ALOXE3: variants seen among roughly 807,000 people sequenced by gnomAD.
ALOXE3 encodes the protein arachidonate epidermal lipoxygenase 3.
Under a neutral mutation model 87.5 loss-of-function variants are expected in ALOXE3, and 78 were observed. The ratio of observed to expected loss-of-function variants is 0.89; its 90% CI spans 0.74 to 1.08. The LOEUF is 1.08. Ranked by LOEUF, ALOXE3 falls within the 50% of genes least tolerant of loss-of-function variation. The pLI is 0.00. For missense variants in ALOXE3, 946 were observed against 912.4 expected, an observed-to-expected ratio of 1.04 and a Z score of -0.47; for synonymous variants, 363 against 370.8, an observed-to-expected ratio of 0.98 and a Z score of 0.24.
chr17:8,098,096 G>A (rs761169310), intron 15 of ALOXE3, among the ~76,000 whole-genome samples: 2 of 151,992 alleles, frequency 1.3e-5, no homozygotes, highest in Non-Finnish European at 2.9e-5. Flanking sequence ...TTGCATTGGC[G>A]AAGCCCTCCA....
chr17:8,118,032 G>T lies in ALOXE3; in HGVS notation c.-42C>A. 1 of 1,601,246 alleles carries T rather than the reference G, an allele frequency of 6.2e-7. No homozygotes were observed. The highest frequency in any genetic ancestry group is 8.5e-7 in the Non-Finnish European group (1 of 1,176,238). On this transcript the variant is annotated 5_prime_UTR_variant, in exon 2 of 16. It adds an upstream start codon to the 5' untranslated region. Coordinates refer to ENST00000448843, the MANE Select transcript of ALOXE3 (RefSeq NM_021628.3). ...GGATGCCCCGGCAACGCTGGCCGCA[G>T]CAGCAGCCGGCCTGGAGGAGAAGAG... is the stretch of plus-strand genomic sequence containing the variant.
Position 8,115,699 on chromosome 17 carries a change from T to C in ALOXE3, c.353-11A>G. On this transcript the variant is annotated splice_polypyrimidine_tract_variant and intron_variant, in intron 3 of 15. Transcript: ENST00000448843. ...GACAAATAGTTCTTGCTGTGGGGAATGAAAATTACTCTTGGTATAAGTCTC... is the reference window on the plus strand; with the variant it reads ...GACAAATAGTTCTTGCTGTGGGGAACGAAAATTACTCTTGGTATAAGTCTC... The C allele has an allele frequency of 6.2e-7, 1 of 1,607,838 alleles. No individual in the cohort carries two copies. Among genetic ancestry groups the C allele is most frequent in the Non-Finnish European group, 8.5e-7 (1 of 1,174,208 alleles).
At chr17:8,096,882 C>T in intron 15 of ALOXE3, 76 bp from the exon 16 acceptor site, 1 of 1,532,654 alleles carries the variant, frequency 6.5e-7, no homozygotes, top group East Asian at 2.3e-5. Context: ...CATGTAACAG[C>T]AAATCCAGTC....
intron 15 of ALOXE3, among the ~76,000 whole-genome samples, chr17:8,099,284 A>G (rs1014468694): frequency 1.3e-5 from 2 of 152,226 alleles, no homozygotes; most frequent in Non-Finnish European, 2.9e-5. Context: ...AATAAGGCTT[A>G]GAGAGGCCAT....
chr17:8,114,976 G>C lies in ALOXE3; in HGVS notation c.516C>G (p.Ala172=), dbSNP rs1980456581. ...CTACACAAGTTGTCGTCTTTGTCAA[G>C]GCAAATTTCTTGTCTGACTCCATCT... ...FQEMESDKKF[A]LTKTTTCVDQ... The change falls in exon 5 of 16, where the codon GCC becomes GCG. Residue 172 remains alanine (A), a synonymous_variant. Transcript: ENST00000448843. 6.2e-7 allele frequency: 1 copy of C among 1,614,118 alleles called. No homozygotes were observed. The highest frequency in any genetic ancestry group is 8.5e-7 in the Non-Finnish European group (1 of 1,180,028).
chr17:8,103,645 G>T, intron 14 of ALOXE3, 152 bp from the exon 15 acceptor site: 1 of 900,752 alleles, frequency 1.1e-6, no homozygotes, highest in Non-Finnish European at 1.8e-6. Flanking sequence ...GAAATGAGGG[G>T]ATCATGGAAA....
At chr17:8,105,671 G>A (rs1979246998) in intron 13 of ALOXE3, among the ~76,000 whole-genome samples, 1 of 152,166 alleles carries the variant, frequency 6.6e-6, no homozygotes. Flanking sequence ...GGGAGGCAGA[G>A]GTGGGAGGAT....
intron 7 of ALOXE3, 111 bp from the exon 8 acceptor site, chr17:8,111,642 A>G (rs1980100692): frequency 6.4e-6 from 7 of 1,089,940 alleles, no homozygotes; most frequent in East Asian, 4.8e-5. Context: ...CAAAAACTCT[A>G]TGAGGTAGGA....
In ALOXE3 at chr17:8,114,565, A is replaced by T; in HGVS notation, c.599T>A (p.Ile200Asn). ...GGGCTCCATGTACATCAGGGATGGG[A>T]TGTCAATTTTCATGGGGAAGCCGGG... ...YLPGFPMKID[I>N]PSLMYMEPNV... Residue 200 changes from isoleucine to asparagine, a missense_variant, in exon 6 of 16, where the codon ATC becomes AAC. By Grantham distance (149) the Ile-to-Asn change is moderately radical (BLOSUM62 -3). Transcript: ENST00000448843. 6.2e-7 allele frequency: 1 copy of T among 1,613,838 alleles called. No individual in the cohort carries two copies. The highest frequency in any genetic ancestry group is 2.2e-5 in the East Asian group (1 of 44,870).
In ALOXE3 at chr17:8,105,858, T is replaced by C. The variant is rs573987827; in HGVS notation, c.1685-1643A>G. Among the ~76,000 whole-genome samples the C allele has an allele frequency of 6.0e-5, 8 of 134,086 alleles. 1 individual carries two copies. The highest frequency in any genetic ancestry group is 1.7e-4 in the African/African-American group (6 of 34,340). 88.0% of individuals were successfully genotyped at this position (134,086 alleles called of 152,430 possible). ...TGAGCCTGGGAGGTCAAGGCTGCAG[T>C]GAGCTGTGATCACACCACTGCACTC... On this transcript the variant is annotated intron_variant, in intron 13 of 15. Coordinates refer to ENST00000448843, the MANE Select transcript of ALOXE3 (RefSeq NM_021628.3).
intron 14 of ALOXE3, 44 bp from the exon 15 acceptor site, chr17:8,103,537 G>C (rs866873539): frequency 3.7e-6 from 6 of 1,600,958 alleles, no homozygotes; most frequent in Middle Eastern, 3.7e-4. Context: ...GCCAGAAGGG[G>C]AGTATCACCT....
intron 3 of ALOXE3, among the ~76,000 whole-genome samples, chr17:8,115,985 T>G (rs1005514975): frequency 1.4e-4 from 22 of 152,394 alleles, no homozygotes; most frequent in Middle Eastern, 3.4e-3. Context: ...TTCTTCTGTA[T>G]TCCCGGCTTC....
At chr17:8,118,586 G>T (rs1221142227), upstream of ALOXE3, 9 of 1,528,456 alleles carry the variant, frequency 5.9e-6, no homozygotes, top group East Asian at 2.0e-4. Flanking sequence ...CAGGTGAGTC[G>T]CACACGCATT....
At chr17:8,102,996 C>T (rs753798274) in intron 15 of ALOXE3, among the ~76,000 whole-genome samples, 1 of 152,194 alleles carries the variant, frequency 6.6e-6, no homozygotes, top group Non-Finnish European at 1.5e-5. Flanking sequence ...AGGTCTCAGC[C>T]AGCGTTATAG....
intron 15 of ALOXE3, among the ~76,000 whole-genome samples, chr17:8,097,765 T>TTTTTA (rs1978639671): frequency 7.3e-6 from 1 of 137,730 alleles, no homozygotes; most frequent in Non-Finnish European, 1.6e-5. Flanking sequence ...TTTTTTTTTT[T>TTTTTA]GAGACAGAGT....
At chr17:8,109,428 C>A in intron 11 of ALOXE3, 85 bp from the exon 12 acceptor site, 9 of 1,547,892 alleles carry the variant, frequency 5.8e-6, no homozygotes, top group Non-Finnish European at 7.9e-6. Context: ...GGGACTCGGC[C>A]CAAGGAGGGC....
At chr17:8,105,748 T>C (rs9911730) in intron 13 of ALOXE3, among the ~76,000 whole-genome samples, 2,402 of 151,378 alleles carry the variant, frequency 0.016, 75 homozygotes, top group African/African-American at 0.055. Context: ...AAAAAACATT[T>C]TTTAAAAAGG....
intron 13 of ALOXE3, among the ~76,000 whole-genome samples, chr17:8,107,661 T>C (rs1979422997): frequency 6.6e-6 from 1 of 150,778 alleles, no homozygotes; most frequent in South Asian, 2.1e-4. Flanking sequence ...TAGCTGGGCG[T>C]GGTGGCGGGT....
chr17:8,109,466 G>T, intron 11 of ALOXE3, 123 bp from the exon 12 acceptor site: 1 of 1,341,870 alleles, frequency 7.5e-7, no homozygotes, highest in Non-Finnish European at 1.0e-6. Flanking sequence ...GCAATCCACG[G>T]ATCAAATACC....
Sources: allele counts gnomAD v4.1 joint callset (sites outside exome capture counted in the v4.1 genomes callset), GRCh38; gene constraint gnomAD v4.1.1; transcripts MANE v1.5; gene names NCBI Gene and HGNC (gene_info 2026-07-23, HGNC 2026-07-21).